PLCL1: variants seen among roughly 807,000 people sequenced by gnomAD.
PLCL1 encodes the protein phospholipase C like 1 (inactive), also known as inactive phospholipase C-like protein 1.
A neutral mutation model predicts 84.4 loss-of-function variants in PLCL1; 41 were observed. That is an observed-to-expected ratio of 0.49 (90% CI 0.38 to 0.63). The LOEUF is 0.63. PLCL1 is among the 30% of genes least tolerant of loss of function. The pLI is 0.00. For synonymous variants in PLCL1, 490 were observed against 488.3 expected, an observed-to-expected ratio of 1.00 and a Z score of -0.05; for missense variants, 1,206 against 1,367.8, an observed-to-expected ratio of 0.88 and a Z score of 1.87.
intron 1 of PLCL1, among the ~76,000 whole-genome samples, chr2:198,065,357 C>G (rs990025819): frequency 6.6e-6 from 1 of 152,134 alleles, no homozygotes; most frequent in Non-Finnish European, 1.5e-5. Context: ...GTCTAAATAA[C>G]TTAATTCTTC....
chr2:197,952,860 T>C (rs1689413774), intron 1 of PLCL1, among the ~76,000 whole-genome samples: 1 of 152,110 alleles, frequency 6.6e-6, no homozygotes, highest in Admixed American at 6.6e-5. Context: ...AGGTATGCCT[T>C]TCACCTTCCG....
Position 197,805,272 on chromosome 2 carries a change from C to T in PLCL1, c.173C>T (p.Pro58Leu). The change falls in exon 1 of 6, where the codon CCA (proline) becomes CTA (leucine). Residue 58 changes from proline (P) to leucine (L), a missense_variant. By Grantham distance (98) the Pro-to-Leu change is moderately conservative. Coordinates refer to ENST00000428675, the MANE Select transcript of PLCL1 (RefSeq NM_006226.4). The surrounding 1 kb of genome is among the most constrained non-coding windows in gnomAD (Gnocchi z 4.0). ...GCACTGCCAGGCGCCGCGGGGACCC[C>T]AGCGGACAGCGAGGCGGGCCTCCTG... ...GVALPGAAGT[P>L]ADSEAGLLEA... The T allele has an allele frequency of 7.8e-7, 1 of 1,281,158 alleles. No homozygotes were observed. The highest frequency in any genetic ancestry group is 9.8e-7 in the Non-Finnish European group (1 of 1,015,718). 79.4% of individuals were successfully genotyped at this position (1,281,158 alleles called of 1,614,324 possible).
At chr2:197,897,183 CTTCTTCTCCTTCTCCTTCTTCTT>C (rs1559038665) in intron 1 of PLCL1, among the ~76,000 whole-genome samples, 362 of 23,058 alleles carry the variant, frequency 0.016, 10 homozygotes, top group African/African-American at 0.035. Flanking sequence ...TCTTCTTCTT[CTTCTTCTCCTTCTCCTTCTTCTT>C]TCTTCTTCCT....
At position 197,804,942 on chromosome 2, in the gene PLCL1, TGCCGCCGCCGCCGCCGCCGCC is replaced by T; in HGVS notation, c.-154_-134del. 1 of 733,012 alleles carries T rather than the reference TGCCGCCGCCGCCGCCGCCGCC, an allele frequency of 1.4e-6. No homozygotes were observed. Among genetic ancestry groups the T allele is most frequent in the South Asian group, 2.0e-5 (1 of 49,134 alleles). 45.4% of individuals were successfully genotyped at this position (733,012 alleles called of 1,614,324 possible). A position where few individuals can be genotyped will look rare whatever the true frequency, so the allele number is the denominator to read the frequency against. On this transcript the variant is annotated 5_prime_UTR_variant, in exon 1 of 6. Transcript: ENST00000428675. Reference sequence around the variant, plus strand: ...GAGCGATGTCCCCTCTCCAGAAAGTTGCCGCCGCCGCCGCCGCCGCCGCCACTGCCGCCGCTGGGCGGTGAA... The same window carrying T: ...GAGCGATGTCCCCTCTCCAGAAAGTTGCCACTGCCGCCGCTGGGCGGTGAA...
chr2:197,918,971 T>A (rs62277890), intron 1 of PLCL1, among the ~76,000 whole-genome samples: 2,446 of 144,372 alleles, frequency 0.017, 64 homozygotes, highest in African/African-American at 0.041. Flanking sequence ...TCTCTCTCCC[T>A]CACACACACA....
chr2:197,850,411 A>T (rs983494790), intron 1 of PLCL1, among the ~76,000 whole-genome samples: 3 of 152,130 alleles, frequency 2.0e-5, no homozygotes, highest in Non-Finnish European at 2.9e-5. Flanking sequence ...TCCTGCATGG[A>T]GTTTAGAATA....
At chr2:197,824,162 T>C (rs1035991990) in intron 1 of PLCL1, among the ~76,000 whole-genome samples, 2 of 152,158 alleles carry the variant, frequency 1.3e-5, no homozygotes, top group African/African-American at 4.8e-5. Flanking sequence ...TTCAAGTTGA[T>C]TGAAATTTTA....
intron 1 of PLCL1, among the ~76,000 whole-genome samples, chr2:198,015,417 A>C (rs1362687792): frequency 1.3e-5 from 2 of 152,212 alleles, no homozygotes; most frequent in Non-Finnish European, 2.9e-5. Flanking sequence ...TACGATTTAA[A>C]GTAGTCACTT....
intron 5 of PLCL1, among the ~76,000 whole-genome samples, chr2:198,115,404 G>C (rs1166009526): frequency 6.6e-6 from 1 of 151,808 alleles, no homozygotes; most frequent in Admixed American, 6.6e-5. Flanking sequence ...GATTCCATGA[G>C]TCTTAGCCAA....
At chr2:198,136,318 C>A (rs1006204507) in intron 5 of PLCL1, among the ~76,000 whole-genome samples, 1 of 151,988 alleles carries the variant, frequency 6.6e-6, no homozygotes, top group Non-Finnish European at 1.5e-5. Flanking sequence ...GAGGTGAGTA[C>A]AATTATTATA....
In PLCL1 at chr2:198,086,152, G is replaced by A. The variant is rs1183253855; in HGVS notation, c.2635G>A (p.Gly879Ser). 3 of 1,613,644 alleles carry A rather than the reference G, an allele frequency of 1.9e-6. No homozygotes were observed. Among genetic ancestry groups the A allele is most frequent in the East Asian group, 2.2e-5 (1 of 44,858 alleles). The change falls in exon 2 of 6, where the codon GGT (glycine) becomes AGT (serine). Residue 879 changes from glycine (G) to serine (S), a missense_variant. Gly to Ser is a moderately conservative substitution (Grantham distance 56). Transcript: ENST00000428675. ...VREYTMLRNI[G>S]LKTIDDIFKI... ...GGAATATACCATGCTCAGGAATATC[G>A]GTCTTAAAACCATTGATGACATCTT...
At chr2:198,090,200 A>G (rs989595508) in intron 3 of PLCL1, among the ~76,000 whole-genome samples, 4 of 152,164 alleles carry the variant, frequency 2.6e-5, no homozygotes, top group South Asian at 2.1e-4. Flanking sequence ...TATTAAAATC[A>G]TGTGTTAGAA....
intron 1 of PLCL1, among the ~76,000 whole-genome samples, chr2:197,985,236 C>T (rs1690197817): frequency 6.6e-6 from 1 of 152,212 alleles, no homozygotes; most frequent in South Asian, 2.1e-4. Flanking sequence ...TGTGAAGTCT[C>T]AGTTTCTTTA....
intron 1 of PLCL1, among the ~76,000 whole-genome samples, chr2:197,845,405 C>T (rs182521923): frequency 2.6e-4 from 39 of 152,024 alleles, no homozygotes; most frequent in African/African-American, 8.0e-4. Context: ...GTAGGAGAAA[C>T]GAGATAATTG....
intron 1 of PLCL1, among the ~76,000 whole-genome samples, chr2:197,832,824 CT>C (rs1241990212): frequency 2.6e-5 from 4 of 151,368 alleles, no homozygotes; most frequent in African/African-American, 7.3e-5. Context: ...CAGCTTCATC[CT>C]TGGGATGCAA....
intron 1 of PLCL1, among the ~76,000 whole-genome samples, chr2:198,004,742 T>G (rs1690687910): frequency 6.6e-6 from 1 of 152,224 alleles, no homozygotes; most frequent in Non-Finnish European, 1.5e-5. Flanking sequence ...CCTAAGTATC[T>G]AAACATATTT....
Position 198,146,931 on chromosome 2 carries a change from A to G in PLCL1, c.3257A>G (p.Lys1086Arg). ...SKRSLEAIEE[K>R]ESSEENGKL is the part of the protein sequence containing the mutation. ...CGCAGCCTGGAAGCCATAGAGGAGA[A>G]GGAAAGTAGTGAGGAGAATGGGAAG... The change falls in exon 6 of 6, where the codon AAG (lysine) becomes AGG (arginine). Residue 1086 changes from lysine (K) to arginine (R), a missense_variant. Transcript: ENST00000428675. The G allele has an allele frequency of 1.2e-6, 2 of 1,611,792 alleles. No individual in the cohort carries two copies. Among genetic ancestry groups the G allele is most frequent in the Non-Finnish European group, 1.7e-6 (2 of 1,178,548 alleles).
chr2:198,098,107 CATAGA>C (rs1471634748), intron 3 of PLCL1, among the ~76,000 whole-genome samples: 1 of 151,948 alleles, frequency 6.6e-6, no homozygotes, highest in Non-Finnish European at 1.5e-5. Context: ...ACTGCAGAAC[CATAGA>C]ATCGAAACCT....
At chr2:197,941,366 T>C (rs1689155127) in intron 1 of PLCL1, among the ~76,000 whole-genome samples, 1 of 152,074 alleles carries the variant, frequency 6.6e-6, no homozygotes, top group Non-Finnish European at 1.5e-5. Context: ...ATCACAGCTC[T>C]CTGCAGCTTT....
Sources: gnomAD v4.1 joint callset for allele counts (sites outside exome capture counted in the v4.1 genomes callset) on GRCh38, gnomAD v4.1.1 for gene constraint, Gnocchi (gnomAD v3.1) non-coding constraint, MANE v1.5 for transcripts, NCBI Gene and HGNC (gene_info 2026-07-23, HGNC 2026-07-21) for gene names.